Variants in TSTD1 observed in about 807,000 individuals in gnomAD.
The protein encoded by TSTD1 is thiosulfate sulfurtransferase like domain containing 1, also known as thiosulfate:glutathione sulfurtransferase.
In TSTD1, 7 loss-of-function variants were observed where a neutral mutation model predicts 12.6. That is an observed-to-expected ratio of 0.55 (90% CI 0.32 to 1.04). The LOEUF is 1.04. Ranked by LOEUF, TSTD1 falls within the 50% of genes least tolerant of loss-of-function variation. The probability of loss-of-function intolerance (pLI) is 0.05; values close to 1 mark genes in which losing one functional copy is unlikely to be tolerated. For synonymous variants in TSTD1, 73 were observed against 59.7 expected (o/e 1.22, Z -1.03); for missense variants, 156 against 151.0 (o/e 1.03, Z -0.17).
Position 161,037,778 on chromosome 1 carries a change from A to T in TSTD1, c.345T>A (p.Ser115Arg). The T allele has an allele frequency of 6.4e-7, 1 of 1,551,678 alleles. No individual in the cohort carries two copies. Among genetic ancestry groups the T allele is most frequent in the Non-Finnish European group, 8.7e-7 (1 of 1,146,982 alleles). The change falls in exon 4 of 4, where the codon AGT becomes AGA. Residue 115 changes from serine to arginine, a missense_variant. Transcript: ENST00000423014. ...GAYREWLEKE[S>R] The stretch of plus-strand genomic sequence containing the variant: ...CAATCAGTAAGCTGCCTCCTGCCTA[A>T]CTCTCTTTCTCCAACCATTCTCTAT...
In TSTD1 at chr1:161,037,664, G is replaced by T. The variant is rs1650269152; in HGVS notation, c.*111C>A. The T allele has an allele frequency of 8.8e-7, 1 of 1,140,154 alleles. No individual in the cohort carries two copies. Among genetic ancestry groups the T allele is most frequent in the Non-Finnish European group, 1.3e-6 (1 of 788,298 alleles). 70.6% of individuals were successfully genotyped at this position (1,140,154 alleles called of 1,614,324 possible). ...AATGTTCTTTATTTGATGCTTTTGTGTGCACAACACTATAAGGAGTTGCCC... is the reference window on the plus strand; with the variant it reads ...AATGTTCTTTATTTGATGCTTTTGTTTGCACAACACTATAAGGAGTTGCCC... On this transcript the variant is annotated 3_prime_UTR_variant, in exon 4 of 4. Coordinates refer to ENST00000423014, the MANE Select transcript of TSTD1 (RefSeq NM_001113207.2).
intron 1 of TSTD1, 74 bp from the exon 2 acceptor site, chr1:161,038,747 G>A: frequency 6.6e-7 from 1 of 1,520,610 alleles, no homozygotes; most frequent in Non-Finnish European, 8.9e-7. Flanking sequence ...CCCCTCACCT[G>A]GCAGCGCCCC....
At chr1:161,038,705 A>C in intron 1 of TSTD1, 32 bp from the exon 2 acceptor site, 1 of 1,537,470 alleles carries the variant, frequency 6.5e-7, no homozygotes, top group Non-Finnish European at 8.8e-7. Context: ...CTTCAGGAAG[A>C]GGGGGCCTAG....
chr1:161,038,884 A>C lies in TSTD1; in HGVS notation c.6T>G (p.Ala2=). 1 of 1,550,756 alleles carries C rather than the reference A, an allele frequency of 6.4e-7. No homozygotes were observed. The highest frequency in any genetic ancestry group is 8.7e-7 in the Non-Finnish European group (1 of 1,146,372). Reference sequence around the variant, plus strand: ...CCAGGAATCCCCCGCAGGTACCTCCAGCCATGGTGCGCGTAGCAACCGCGA... The same window carrying C: ...CCAGGAATCCCCCGCAGGTACCTCCCGCCATGGTGCGCGTAGCAACCGCGA... M[A]GAPTVSLPEL... The change falls in exon 1 of 4, where the codon GCT becomes GCG. Residue 2 remains alanine (A), a synonymous_variant. Coordinates refer to ENST00000423014, the MANE Select transcript of TSTD1 (RefSeq NM_001113207.2).
chr1:161,038,857 C>G (rs754179325), intron 1 of TSTD1, 23 bp downstream of exon 1: 9 of 1,548,876 alleles, frequency 5.8e-6, no homozygotes, highest in Non-Finnish European at 7.9e-6. Flanking sequence ...AGAACCGCGG[C>G]CCCAGGAATC....
At position 161,037,840 on chromosome 1, in the gene TSTD1, G is replaced by A. The variant is rs981547472; in HGVS notation, c.297-14C>T. 2 of 1,551,784 alleles carry A rather than the reference G, an allele frequency of 1.3e-6. No homozygotes were observed. Among genetic ancestry groups the A allele is most frequent in the Non-Finnish European group, 1.7e-6 (2 of 1,147,014 alleles). On this transcript the variant is annotated splice_polypyrimidine_tract_variant and intron_variant, in intron 3 of 3. Coordinates refer to ENST00000423014, the MANE Select transcript of TSTD1 (RefSeq NM_001113207.2). ...TAGTTGCGAGCCCTGTGGAGACAAAGAAGCGTGAGAGACTGACAGGAATGA... is the reference window on the plus strand; with the variant it reads ...TAGTTGCGAGCCCTGTGGAGACAAAAAAGCGTGAGAGACTGACAGGAATGA...
At chr1:161,038,166 C>A in intron 2 of TSTD1, 91 bp from the exon 3 acceptor site, 1 of 1,298,834 alleles carries the variant, frequency 7.7e-7, no homozygotes, top group South Asian at 1.4e-5. Flanking sequence ...CTGGGGGCCC[C>A]CAAACAACAT....
chr1:161,038,908 G>T lies in TSTD1; in HGVS notation c.-19C>A, dbSNP rs779897449. ...CAGCCATGGTGCGCGTAGCAACCGC[G>T]AGTCTCCGGAGTGCGGCCCTGGCCC... On this transcript the variant is annotated 5_prime_UTR_variant, in exon 1 of 4. Coordinates refer to ENST00000423014, the MANE Select transcript of TSTD1 (RefSeq NM_001113207.2). 1.9e-6 allele frequency: 3 copies of T among 1,550,612 alleles called. No homozygotes were observed. The highest frequency in any genetic ancestry group is 1.4e-5 in the African/African-American group (1 of 73,016).
At position 161,038,655 on chromosome 1, in the gene TSTD1, G is replaced by C; in HGVS notation, c.29C>G (p.Pro10Arg). 1 of 1,548,904 alleles carries C rather than the reference G, an allele frequency of 6.5e-7. No homozygotes were observed. Among genetic ancestry groups the C allele is most frequent in the East Asian group, 2.4e-5 (1 of 40,832 alleles). The stretch of plus-strand genomic sequence containing the variant: ...GGAGGCTAGGAGTGAACGGAGTTCA[G>C]GAAGCGAGACCGTGGGCGCTGAGGA... MAGAPTVSLPELRSLLASGR... is the reference protein window; with the variant it reads MAGAPTVSLRELRSLLASGR... The change falls in exon 2 of 4, where the codon CCT becomes CGT. Residue 10 changes from proline to arginine, a missense_variant. Coordinates refer to ENST00000423014, the MANE Select transcript of TSTD1 (RefSeq NM_001113207.2).
chr1:161,038,290 T>C (rs1557902661), intron 2 of TSTD1: 1 of 678,712 alleles, frequency 1.5e-6, no homozygotes. Flanking sequence ...CCCTCAGGCG[T>C]CCAGATTTGG....
At position 161,038,052 on chromosome 1, in the gene TSTD1, G is replaced by A. The variant is rs1650298797; in HGVS notation, c.157C>T (p.Gln53Ter). Residue 53 changes from glutamine to a stop codon, truncating the protein, a stop_gained, in exon 3 of 4, where the codon CAG becomes TAG. Coordinates refer to ENST00000423014, the MANE Select transcript of TSTD1 (RefSeq NM_001113207.2). LOFTEE classifies it high-confidence loss of function. ...IPVSELESAL[Q>*]MEPAAFQALY... The stretch of plus-strand genomic sequence containing the variant: ...GCCTGGAAGGCAGCTGGCTCCATCT[G>A]CAGAGCACTCTCCAACTCGGACACT... The A allele has an allele frequency of 1.3e-6, 2 of 1,551,620 alleles. No individual in the cohort carries two copies. Among genetic ancestry groups the A allele is most frequent in the East Asian group, 2.4e-5 (1 of 40,928 alleles).
chr1:161,037,670 A>C lies in TSTD1; in HGVS notation c.*105T>G. ...CTTTATTTGATGCTTTTGTGTGCAC[A>C]ACACTATAAGGAGTTGCCCAATTCA... On this transcript the variant is annotated 3_prime_UTR_variant, in exon 4 of 4. Coordinates refer to ENST00000423014, the MANE Select transcript of TSTD1 (RefSeq NM_001113207.2). The C allele has an allele frequency of 8.3e-7, 1 of 1,210,718 alleles. No homozygotes were observed. The highest frequency in any genetic ancestry group is 2.5e-5 in the East Asian group (1 of 39,332). 75.0% of individuals were successfully genotyped at this position (1,210,718 alleles called of 1,614,324 possible).
rs1650290519 is a variant in TSTD1, at chr1:161,037,925, A to T, written c.284T>A (p.Leu95His). Residue 95 changes from leucine to histidine, a missense_variant, in exon 3 of 4, where the codon CTT (leucine) becomes CAT (histidine). Physicochemically the swap from Leu to His is moderately conservative, Grantham distance 99. Transcript: ENST00000423014. ...CACCTCCCCGTACCCAGTGTATCCA[A>T]GACTCCGGGCCAGCTGCGTGGCCTG... Reference protein sequence around the residue: ...GLQATQLARSLGYTGARNYAG... With the variant: ...GLQATQLARSHGYTGARNYAG... The T allele has an allele frequency of 6.4e-7, 1 of 1,551,744 alleles. No homozygotes were observed. The highest frequency in any genetic ancestry group is 8.7e-7 in the Non-Finnish European group (1 of 1,147,040).
rs1241372933 is a variant in TSTD1 at position 161,037,949 on chromosome 1, T to C, written c.260A>G (p.Gln87Arg). ...AAGACTCCGGGCCAGCTGCGTGGCC[T>C]GGAGGCCCCGCTTGCCCATCTGACA... ...FFCQMGKRGL[Q>R]ATQLARSLGY... Residue 87 changes from glutamine (Q) to arginine (R), a missense_variant, in exon 3 of 4, where the codon CAG (glutamine) becomes CGG (arginine). Coordinates refer to ENST00000423014, the MANE Select transcript of TSTD1 (RefSeq NM_001113207.2). 2 of 1,551,690 alleles carry C rather than the reference T, an allele frequency of 1.3e-6. No individual in the cohort carries two copies. Among genetic ancestry groups the C allele is most frequent in the African/African-American group, 2.7e-5 (2 of 73,062 alleles).
Position 161,038,022 on chromosome 1 carries a change from A to C in TSTD1, c.187T>G (p.Tyr63Asp). 1 of 1,551,720 alleles carries C rather than the reference A, an allele frequency of 6.4e-7. No individual in the cohort carries two copies. Among genetic ancestry groups the C allele is most frequent in the Non-Finnish European group, 8.7e-7 (1 of 1,147,010 alleles). ...TCCAGCTTTGGCTTCTCAGCAGAAT[A>C]TAAAGCCTGGAAGGCAGCTGGCTCC... Reference protein sequence around the residue: ...QMEPAAFQALYSAEKPKLEDE... With the variant: ...QMEPAAFQALDSAEKPKLEDE... The change falls in exon 3 of 4, where the codon TAT (tyrosine) becomes GAT (aspartate). Residue 63 changes from tyrosine (Y) to aspartate (D), a missense_variant. Physicochemically the swap from Tyr to Asp is radical, Grantham distance 160 (BLOSUM62 -3). Transcript: ENST00000423014.
At chr1:161,037,889 G>A in intron 3 of TSTD1, 24 bp downstream of exon 3, 2 of 1,551,762 alleles carry the variant, frequency 1.3e-6, no homozygotes, top group Non-Finnish European at 8.7e-7. Context: ...TCACCTCCCA[G>A]CTAGCAGCCA....
At position 161,037,808 on chromosome 1, in the gene TSTD1, T is replaced by A; in HGVS notation, c.315A>T (p.Gly105=). ...CTTTCTCCAACCATTCTCTATAGGC[T>A]CCAGCGTAGTTGCGAGCCCTGTGGA... ...LGYTGARNYA[G]AYREWLEKES is the part of the protein sequence containing the mutation. Residue 105 remains glycine, a synonymous_variant, in exon 4 of 4, where the codon GGA becomes GGT. Coordinates refer to ENST00000423014, the MANE Select transcript of TSTD1 (RefSeq NM_001113207.2). 1 of 1,551,732 alleles carries A rather than the reference T, an allele frequency of 6.4e-7. No homozygotes were observed. The highest frequency in any genetic ancestry group is 1.4e-5 in the African/African-American group (1 of 73,166).
rs954746929 is a variant in TSTD1, at chr1:161,038,813, C to T, written c.10+67G>A. The T allele has an allele frequency of 9.8e-6, 15 of 1,528,980 alleles. No homozygotes were observed. The Admixed American group carries it at 2.8e-4, about 28-fold the overall frequency. The allele number at this position is 1,528,980 out of a possible 1,614,324, so 94.7% of individuals were successfully genotyped here. The stretch of plus-strand genomic sequence containing the variant: ...GCCACGCCCCTTCGCTCCGCCACCC[C>T]ACTCCCTGCCACGCCTCAACCCAGA... On this transcript the variant is annotated intron_variant, in intron 1 of 3. Coordinates refer to ENST00000423014, the MANE Select transcript of TSTD1 (RefSeq NM_001113207.2).
At chr1:161,038,322 T>C in intron 2 of TSTD1, 1 of 681,374 alleles carries the variant, frequency 1.5e-6, no homozygotes, top group East Asian at 2.8e-5. Context: ...GAAGCTGGTC[T>C]GCCCCTCTCC....
Sources: allele counts gnomAD v4.1 joint callset, GRCh38; gene constraint gnomAD v4.1.1; transcripts MANE v1.5; gene names NCBI Gene and HGNC (gene_info 2026-07-23, HGNC 2026-07-21).